DMRT1: variants seen among roughly 807,000 people sequenced by gnomAD.
DMRT1 encodes doublesex and mab-3 related transcription factor 1, also known as doublesex- and mab-3-related transcription factor 1.
DMRT1 carries 7 observed loss-of-function variants against 32.3 expected under a neutral mutation model. The ratio of observed to expected loss-of-function variants is 0.22; its 90% confidence interval spans 0.12 to 0.41. DMRT1 has a LOEUF of 0.41. Ranked by LOEUF, DMRT1 falls within the 10% of genes least tolerant of loss-of-function variation. The pLI is 1.00. For missense variants in DMRT1, 625 were observed against 500.5 expected (o/e 1.25, Z -2.37); for synonymous variants, 278 against 206.1 (o/e 1.35, Z -2.99).
chr9:909,668 C>G (rs982545953), intron 3 of DMRT1, among the ~76,000 whole-genome samples: 4 of 152,058 alleles, frequency 2.6e-5, no homozygotes, highest in Non-Finnish European at 1.5e-5. Context: ...ACAGCTTTTG[C>G]CATTTAAAAG....
At chr9:850,606 CT>C (rs1192195338) in intron 2 of DMRT1, among the ~76,000 whole-genome samples, 4 of 152,140 alleles carry the variant, frequency 2.6e-5, no homozygotes, top group Admixed American at 2.0e-4. Flanking sequence ...TCTGTTTATC[CT>C]TTTCATATGT....
intron 2 of DMRT1, among the ~76,000 whole-genome samples, chr9:883,352 G>C (rs780919689): frequency 6.6e-6 from 1 of 151,988 alleles, no homozygotes; most frequent in Non-Finnish European, 1.5e-5. Context: ...CTACAGGAGC[G>C]ACACTAGTGA....
At chr9:945,182 CTT>C (rs1243595062) in intron 4 of DMRT1, among the ~76,000 whole-genome samples, 3 of 151,996 alleles carry the variant, frequency 2.0e-5, no homozygotes, top group East Asian at 3.9e-4. Context: ...GACATGGAGT[CTT>C]GCTCTGTTGC....
intron 4 of DMRT1, among the ~76,000 whole-genome samples, chr9:942,815 G>A (rs754620556): frequency 1.2e-4 from 19 of 152,064 alleles, no homozygotes; most frequent in Non-Finnish European, 2.8e-4. Flanking sequence ...TGTTTCTAAA[G>A]AGACTTTTGA....
At chr9:845,609 C>T (rs921587937) in intron 1 of DMRT1, among the ~76,000 whole-genome samples, 2 of 152,166 alleles carry the variant, frequency 1.3e-5, no homozygotes, top group African/African-American at 4.8e-5. Flanking sequence ...TTCTTCCTGT[C>T]TGTCTGGAAT....
intron 3 of DMRT1, among the ~76,000 whole-genome samples, chr9:907,820 A>G (rs1159758852): frequency 4.3e-5 from 4 of 93,068 alleles, no homozygotes; most frequent in Non-Finnish European, 8.8e-5. Context: ...ACAGTTCTCT[A>G]AAATATATAT....
chr9:855,439 C>T (rs1032782125), intron 2 of DMRT1, among the ~76,000 whole-genome samples: 12 of 152,154 alleles, frequency 7.9e-5, no homozygotes, highest in Non-Finnish European at 1.8e-4. Context: ...CTGTATAGTA[C>T]AGTACCTGGC....
intron 4 of DMRT1, among the ~76,000 whole-genome samples, chr9:921,848 G>T (rs1005952911): frequency 6.6e-6 from 1 of 152,066 alleles, no homozygotes; most frequent in Admixed American, 6.5e-5. Flanking sequence ...CTCCAGCCTG[G>T]GTGACAGAGC....
At chr9:912,553 G>T (rs1818026192) in intron 3 of DMRT1, among the ~76,000 whole-genome samples, 1 of 152,146 alleles carries the variant, frequency 6.6e-6, no homozygotes, top group Non-Finnish European at 1.5e-5. Context: ...CACACGCATG[G>T]ATTTGAAATT....
chr9:894,363 T>G, intron 3 of DMRT1, 168 bp downstream of exon 3: 1 of 723,384 alleles, frequency 1.4e-6, no homozygotes, highest in Non-Finnish European at 2.4e-6. Flanking sequence ...TTTGCACACA[T>G]GTAGGCACAA....
At chr9:855,156 A>C (rs1203505169) in intron 2 of DMRT1, among the ~76,000 whole-genome samples, 1 of 152,062 alleles carries the variant, frequency 6.6e-6, no homozygotes, top group Admixed American at 6.6e-5. Flanking sequence ...CAAGTATAGC[A>C]GTTTAATTGG....
chr9:962,914 C>T (rs908107208), intron 4 of DMRT1, among the ~76,000 whole-genome samples: 2 of 152,030 alleles, frequency 1.3e-5, no homozygotes, highest in Non-Finnish European at 2.9e-5. Context: ...GCCAGTGCTC[C>T]CCCAACCTCT....
chr9:864,737 C>A (rs7040046), intron 2 of DMRT1, among the ~76,000 whole-genome samples: 2 of 149,148 alleles, frequency 1.3e-5, no homozygotes, highest in South Asian at 2.2e-4. Flanking sequence ...CCTAACCTTG[C>A]GATCCGCCCA....
In DMRT1 at chr9:910,378, C is replaced by T. The variant is rs118015547; in HGVS notation, c.823-6385C>T. ...TCAACTCCAGTTTTATGCAGCCATG[C>T]GATGTTTAGTAAACAACTAGATGAC... On this transcript the variant is annotated intron_variant, in intron 3 of 4. Coordinates refer to ENST00000382276, the MANE Select transcript of DMRT1 (RefSeq NM_021951.3). Among the ~76,000 whole-genome samples the T allele has an allele frequency of 1.1e-3, 164 of 151,810 alleles. 3 individuals are homozygous for T. In the East Asian group the frequency reaches 0.026, roughly 24 times the overall value.
intron 2 of DMRT1, among the ~76,000 whole-genome samples, chr9:869,754 C>A (rs995465674): frequency 6.6e-6 from 1 of 152,010 alleles, no homozygotes; most frequent in African/African-American, 2.4e-5. Flanking sequence ...TCATTATTTT[C>A]TATTTTTTCT....
chr9:925,836 C>G (rs1369321981), intron 4 of DMRT1, among the ~76,000 whole-genome samples: 1 of 152,134 alleles, frequency 6.6e-6, no homozygotes, highest in Non-Finnish European at 1.5e-5. Context: ...AAGGAGGGGT[C>G]CTGTTCCAGT....
rs752852716 is a variant in DMRT1 at position 842,295 on chromosome 9, C to T, written c.354+103C>T. The stretch of plus-strand genomic sequence containing the variant: ...GGTTGCCCAGGCTGCAGTGTAGTGG[C>T]GCGATCTTGGCTCACTGCAACCTCC... On this transcript the variant is annotated intron_variant, in intron 1 of 4. Transcript: ENST00000382276. 76 of 1,408,926 alleles carry T rather than the reference C, an allele frequency of 5.4e-5. 1 individual carries two copies. The South Asian group carries it at 9.8e-4, about 18-fold the overall frequency. 87.3% of individuals were successfully genotyped at this position (1,408,926 alleles called of 1,614,324 possible). A position where few individuals can be genotyped will look rare whatever the true frequency, so the allele number is the denominator to read the frequency against.
chr9:879,792 G>A (rs1451493798), intron 2 of DMRT1, among the ~76,000 whole-genome samples: 1 of 152,140 alleles, frequency 6.6e-6, no homozygotes, highest in East Asian at 1.9e-4. Context: ...TTATACTTTG[G>A]ATGGCTCTTT....
chr9:885,020 A>T (rs1816871530), intron 2 of DMRT1, among the ~76,000 whole-genome samples: 1 of 152,192 alleles, frequency 6.6e-6, no homozygotes, highest in South Asian at 2.1e-4. Flanking sequence ...TTGCATCATA[A>T]CAGCAGATCT....
Sources: gnomAD v4.1 joint callset for allele counts (sites outside exome capture counted in the v4.1 genomes callset) on GRCh38, gnomAD v4.1.1 for gene constraint, MANE v1.5 for transcripts, NCBI Gene and HGNC (gene_info 2026-07-23, HGNC 2026-07-21) for gene names.